The following SOX6 variants were observed in gnomAD, a reference collection of about 807,000 sequenced individuals.
SOX6 encodes SRY-box transcription factor 6, also known as transcription factor SOX-6.
In SOX6, 11 loss-of-function variants were observed where a neutral mutation model predicts 97.8. The ratio of observed to expected loss-of-function variants is 0.11; its 90% CI spans 0.07 to 0.19. SOX6 has a LOEUF of 0.19. SOX6 is among the 10% of genes least tolerant of loss of function. The pLI is 1.00. For missense variants in SOX6, 810 were observed against 1,039.5 expected (o/e 0.78, Z 3.04); for synonymous variants, 360 against 371.4 (o/e 0.97, Z 0.35).
intron 3 of SOX6, among the ~76,000 whole-genome samples, chr11:16,623,624 G>A (rs556719540): frequency 1.3e-5 from 2 of 152,222 alleles, no homozygotes; most frequent in Admixed American, 1.3e-4. Flanking sequence ...TCTTGGTCAT[G>A]AACTCTTTAC....
At chr11:16,213,105 C>G (rs1852272546) in intron 4 of SOX6, among the ~76,000 whole-genome samples, 1 of 151,966 alleles carries the variant, frequency 6.6e-6, no homozygotes. Context: ...GATTCCTGGA[C>G]CTCAAATCTA....
chr11:16,113,091 C>A (rs1849268588), intron 6 of SOX6, among the ~76,000 whole-genome samples: 1 of 152,062 alleles, frequency 6.6e-6, no homozygotes. Context: ...GGCTAATGAC[C>A]CTGTTTAATT....
At chr11:16,267,852 A>G (rs763741706) in intron 3 of SOX6, among the ~76,000 whole-genome samples, 1 of 151,622 alleles carries the variant, frequency 6.6e-6, no homozygotes, top group African/African-American at 2.4e-5. Context: ...ACACAAAAGA[A>G]TACTATTCAG....
chr11:16,111,774 A>C (rs2133994673), intron 7 of SOX6, 29 bp downstream of exon 7: 1 of 1,612,574 alleles, frequency 6.2e-7, no homozygotes, highest in South Asian at 1.1e-5. Context: ...GAGCATTTGG[A>C]AAAGAATGTT....
intron 13 of SOX6, among the ~76,000 whole-genome samples, chr11:15,995,223 A>C (rs1044706231): frequency 6.6e-6 from 1 of 152,210 alleles, no homozygotes; most frequent in African/African-American, 2.4e-5. Flanking sequence ...TTGGAATCCT[A>C]TCAAGTTAGA....
At chr11:16,385,234 T>A (rs1565124453) in intron 1 of SOX6, among the ~76,000 whole-genome samples, 1 of 152,138 alleles carries the variant, frequency 6.6e-6, no homozygotes. Flanking sequence ...TAATATTCAG[T>A]TCACCTTTTC....
At chr11:16,252,180 C>T (rs772172060) in intron 3 of SOX6, among the ~76,000 whole-genome samples, 1 of 152,136 alleles carries the variant, frequency 6.6e-6, no homozygotes, top group African/African-American at 2.4e-5. Context: ...AAGAACATAT[C>T]GTAGACTTCC....
intron 2 of SOX6, among the ~76,000 whole-genome samples, chr11:16,331,830 G>A (rs146739090): frequency 6.6e-6 from 1 of 152,254 alleles, no homozygotes; most frequent in Non-Finnish European, 1.5e-5. Flanking sequence ...CACAATGTCT[G>A]GAAGCTGTGC....
At chr11:16,483,008 A>G (rs888019299) in intron 4 of SOX6, among the ~76,000 whole-genome samples, 10 of 152,192 alleles carry the variant, frequency 6.6e-5, no homozygotes, top group African/African-American at 2.2e-4. Context: ...TGCATCCTCA[A>G]TGCAAATGTC....
intron 4 of SOX6, among the ~76,000 whole-genome samples, chr11:16,570,770 A>G (rs1847930304): frequency 6.6e-6 from 1 of 152,196 alleles, no homozygotes; most frequent in Non-Finnish European, 1.5e-5. Context: ...CATACTAGAA[A>G]CTTTCAAATA....
chr11:15,986,967 T>C (rs760116340), intron 14 of SOX6, among the ~76,000 whole-genome samples: 10 of 152,174 alleles, frequency 6.6e-5, no homozygotes, highest in Non-Finnish European at 1.3e-4. Context: ...CCTAAGAAGT[T>C]ATAGCTTTAG....
chr11:16,427,634 A>C lies in SOX6; in HGVS notation c.-5+48681T>G, dbSNP rs566135685. Among the ~76,000 whole-genome samples, 802 of 152,136 alleles carry C rather than the reference A, an allele frequency of 5.3e-3. 19 individuals carry two copies. The highest frequency in any genetic ancestry group is 0.037 in the East Asian group (191 of 5,170). The stretch of plus-strand genomic sequence containing the variant: ...TGAGAATGATGGTTTCCAGCTTCAT[A>C]CATGTCCCTACAAAGGACATGAACT... On this transcript the variant is annotated intron_variant, in intron 1 of 15. Transcript: ENST00000396356.
intron 2 of SOX6, among the ~76,000 whole-genome samples, chr11:16,337,841 T>C (rs776393212): frequency 6.6e-6 from 1 of 152,134 alleles, no homozygotes; most frequent in Non-Finnish European, 1.5e-5. Flanking sequence ...CATTACAAAT[T>C]ATTTTTCTTG....
rs189930768 is a variant in SOX6, at chr11:15,993,436, G to A, written c.1733-4206C>T. On this transcript the variant is annotated intron_variant, in intron 13 of 15. Transcript: ENST00000683767. ...CAGAGGGGTCATTTGTGAGTTCAGC[G>A]TATGATTTTTCATGGAAAGCAGTTA... Among the ~76,000 whole-genome samples, 76 of 145,178 alleles carry A rather than the reference G, an allele frequency of 5.2e-4. No homozygotes were observed. In the East Asian group the frequency reaches 0.011, roughly 21 times the overall value.
At chr11:16,116,778 A>G (rs1285894804) in intron 6 of SOX6, among the ~76,000 whole-genome samples, 3 of 152,118 alleles carry the variant, frequency 2.0e-5, no homozygotes, top group Non-Finnish European at 4.4e-5. Flanking sequence ...CGGGCAAGCA[A>G]GTATTACCGC....
chr11:16,309,824 T>C (rs901914882), intron 3 of SOX6, among the ~76,000 whole-genome samples: 5 of 152,142 alleles, frequency 3.3e-5, no homozygotes, highest in African/African-American at 4.8e-5. Context: ...GAATAAATTC[T>C]GGAGAAGTCA....
chr11:16,484,724 G>A (rs2133127366), intron 4 of SOX6: 1 of 508,514 alleles, frequency 2.0e-6, no homozygotes, highest in Middle Eastern at 4.8e-4. Flanking sequence ...TTCAGTCCAA[G>A]ATAAATCTTT....
At chr11:16,525,093 G>T (rs568549844) in intron 4 of SOX6, among the ~76,000 whole-genome samples, 1 of 152,268 alleles carries the variant, frequency 6.6e-6, no homozygotes, top group East Asian at 1.9e-4. Context: ...TCCCCATCAA[G>T]CTACCAAGGA....
In SOX6 at chr11:16,673,395, A is replaced by G. The variant is rs556958568; in HGVS notation, n.429+41435T>C. ...GAAAAAAAGAGAAAAAACTCAAATA[A>G]ATGAAATCAGAGATGAAAAAAGAGA... On this transcript the variant is annotated intron_variant and non_coding_transcript_variant, in intron 3 of 5. Coordinates refer to the SOX6 transcript ENST00000524520. Among the ~76,000 whole-genome samples, 9 of 152,280 alleles carry G rather than the reference A, an allele frequency of 5.9e-5. No individual in the cohort carries two copies. The South Asian group carries it at 1.9e-3, about 32-fold the overall frequency.
Sources: gnomAD v4.1 joint callset for allele counts (sites outside exome capture counted in the v4.1 genomes callset) on GRCh38, gnomAD v4.1.1 for gene constraint, MANE v1.5 for transcripts, NCBI Gene and HGNC (gene_info 2026-07-23, HGNC 2026-07-21) for gene names.